The following ARHGAP6 variants were observed in gnomAD, a reference collection of about 807,000 sequenced individuals.
ARHGAP6 encodes rho GTPase-activating protein 6.
Under a neutral mutation model 55.7 loss-of-function variants are expected in ARHGAP6, and 16 were observed. The observed-to-expected ratio is 0.29, with a 90% confidence interval of 0.19 to 0.44. The LOEUF (loss-of-function observed/expected upper bound fraction) is 0.44, where lower values mean the gene tolerates loss of function less well. Among genes scored for constraint, ARHGAP6 ranks in the 20% least tolerant of loss-of-function variants. The pLI is 1.00. For synonymous variants in ARHGAP6, 382 were observed against 360.9 expected (o/e 1.06, Z -0.66); for missense variants, 698 against 808.9 (o/e 0.86, Z 1.66).
intron 1 of ARHGAP6, among the ~76,000 whole-genome samples, chrX:11,580,677 A>G (rs2147118375): frequency 8.9e-6 from 1 of 112,538 alleles, no homozygotes; most frequent in Admixed American, 9.4e-5. Flanking sequence ...AAAAAGTTAA[A>G]TTATTCTAAC....
chrX:11,388,703 C>G (rs1238856776), intron 1 of ARHGAP6, among the ~76,000 whole-genome samples: 1 of 111,681 alleles, frequency 9.0e-6, no homozygotes, highest in African/African-American at 3.3e-5. Context: ...ACGTTTAAGT[C>G]TTTAACCCAT....
At chrX:11,139,627 C>A in intron 12 of ARHGAP6, 97 bp from the exon 13 acceptor site, 1 of 926,475 alleles carries the variant, frequency 1.1e-6, no homozygotes, top group South Asian at 3.0e-5. Context: ...TCTACGACGT[C>A]CCCCCGGACT....
intron 8 of ARHGAP6, among the ~76,000 whole-genome samples, chrX:11,176,857 A>G (rs185762252): frequency 2.0e-4 from 22 of 112,077 alleles, no homozygotes; most frequent in African/African-American, 6.5e-4. Flanking sequence ...CACTAATTAT[A>G]ACTGCTATAG....
chrX:11,256,693 G>A (rs749095249), intron 1 of ARHGAP6, among the ~76,000 whole-genome samples: 1 of 112,091 alleles, frequency 8.9e-6, no homozygotes, highest in East Asian at 2.8e-4. Flanking sequence ...GCAAAGAAGG[G>A]GAAGTAGAAG....
chrX:11,558,836 CAAAAAAAAAAAA>C (rs58936931), intron 1 of ARHGAP6, among the ~76,000 whole-genome samples: 18 of 30,069 alleles, frequency 6.0e-4, no homozygotes, highest in African/African-American at 8.8e-4. Context: ...GATTCCATCT[CAAAAAAAAAAAA>C]AAAAAAAAAA....
At chrX:11,328,964 A>G (rs1171382751) in intron 1 of ARHGAP6, among the ~76,000 whole-genome samples, 1 of 112,038 alleles carries the variant, frequency 8.9e-6, no homozygotes, top group African/African-American at 3.2e-5. Context: ...CCAGAGTTAC[A>G]AAAAAATCTA....
intron 8 of ARHGAP6, among the ~76,000 whole-genome samples, chrX:11,174,976 C>A (rs2046191379): frequency 9.0e-6 from 1 of 110,786 alleles, no homozygotes. Context: ...CAGGCGTGAG[C>A]CACCGCGCCT....
rs540618750 is a variant in ARHGAP6, at chrX:11,588,824, A to C, written c.588+75417T>G. ...CAGGATTTCCTTTTGAGATGATGAA[A>C]ATATTCTAAAATTAGATAATGATGA... On this transcript the variant is annotated intron_variant, in intron 1 of 12. Transcript: ENST00000337414. Among the ~76,000 whole-genome samples the C allele has an allele frequency of 1.3e-4, 15 of 111,571 alleles. No individual in the cohort carries two copies. In the South Asian group the frequency reaches 5.7e-3, roughly 42 times the overall value.
chrX:11,437,734 C>T (rs374629766), intron 1 of ARHGAP6, among the ~76,000 whole-genome samples: 111 of 112,135 alleles, frequency 9.9e-4, no homozygotes, highest in Middle Eastern at 4.6e-3. Flanking sequence ...TGGGACGCCC[C>T]GCCCCCAGGG....
At chrX:11,355,714 A>T (rs1386723962) in intron 1 of ARHGAP6, among the ~76,000 whole-genome samples, 1 of 111,465 alleles carries the variant, frequency 9.0e-6, no homozygotes, top group Non-Finnish European at 1.9e-5. Flanking sequence ...GGCCAAACAT[A>T]TGACCGTTAG....
chrX:11,559,075 G>T (rs774765888), intron 1 of ARHGAP6, among the ~76,000 whole-genome samples: 6 of 106,743 alleles, frequency 5.6e-5, no homozygotes, highest in South Asian at 8.6e-4. Flanking sequence ...CCTTTAAAGG[G>T]ATCAGAGATG....
intron 1 of ARHGAP6, among the ~76,000 whole-genome samples, chrX:11,628,838 A>C (rs932177614): frequency 8.9e-6 from 1 of 112,741 alleles, no homozygotes; most frequent in Non-Finnish European, 1.9e-5. Flanking sequence ...ATGTGGGTAT[A>C]AATACTTCCT....
intron 1 of ARHGAP6, among the ~76,000 whole-genome samples, chrX:11,342,278 C>T (rs747943411): frequency 8.9e-6 from 1 of 111,830 alleles, no homozygotes; most frequent in Non-Finnish European, 1.9e-5. Context: ...CTTTGGTAGT[C>T]TTATTGCTGA....
intron 1 of ARHGAP6, among the ~76,000 whole-genome samples, chrX:11,564,904 T>C (rs950428081): frequency 8.9e-6 from 1 of 112,051 alleles, no homozygotes; most frequent in African/African-American, 3.2e-5. Context: ...AAGGATAACC[T>C]CCTGGACAAA....
At chrX:11,322,666 A>G (rs1231175647) in intron 1 of ARHGAP6, among the ~76,000 whole-genome samples, 1 of 112,418 alleles carries the variant, frequency 8.9e-6, no homozygotes, top group African/African-American at 3.2e-5. Context: ...TTGATGTGGT[A>G]AATAGGATAA....
intron 1 of ARHGAP6, among the ~76,000 whole-genome samples, chrX:11,528,177 A>C (rs1407717773): frequency 1.8e-5 from 2 of 112,044 alleles, no homozygotes; most frequent in Non-Finnish European, 3.8e-5. Context: ...CAAGGGCCCC[A>C]AATTCTGTGT....
intron 10 of ARHGAP6, among the ~76,000 whole-genome samples, chrX:11,150,994 C>G (rs2045768021): frequency 9.0e-6 from 1 of 111,355 alleles, no homozygotes; most frequent in Non-Finnish European, 1.9e-5. Flanking sequence ...TTCTGGCATT[C>G]CCTTAAATTC....
At chrX:11,303,818 GC>G (rs1265310082) in intron 1 of ARHGAP6, among the ~76,000 whole-genome samples, 1 of 111,465 alleles carries the variant, frequency 9.0e-6, no homozygotes, top group Non-Finnish European at 1.9e-5. Flanking sequence ...TTGCCTATCT[GC>G]TGTGGAAACT....
At chrX:11,296,933 C>T in intron 1 of ARHGAP6, 2 of 1,027,842 alleles carry the variant, frequency 1.9e-6, no homozygotes, top group Non-Finnish European at 2.7e-6. Flanking sequence ...CTCAAGTGGT[C>T]CTGATTTTAC....
Sources: allele counts gnomAD v4.1 joint callset (sites outside exome capture counted in the v4.1 genomes callset), GRCh38; gene constraint gnomAD v4.1.1; transcripts MANE v1.5; gene names NCBI Gene and HGNC (gene_info 2026-07-23, HGNC 2026-07-21).